Variants in MATR3 observed in about 807,000 individuals in gnomAD.
MATR3 encodes the protein matrin 3, also known as matrin-3.
Under a neutral mutation model 85.5 loss-of-function variants are expected in MATR3, and 4 were observed. The observed-to-expected ratio is 0.05, with a 90% CI of 0.02 to 0.11. MATR3 has a LOEUF of 0.11. Ranked by LOEUF, MATR3 falls within the 10% of genes least tolerant of loss-of-function variation. The pLI is 1.00. For missense variants in MATR3, 685 were observed against 1,016.1 expected, an observed-to-expected ratio of 0.67 and a Z score of 4.43; for synonymous variants, 336 against 343.1, an observed-to-expected ratio of 0.98 and a Z score of 0.23.
At chr5:139,293,984 T>G (rs1468591285) in intron 1 of MATR3, 179 bp downstream of exon 1, 5 of 1,272,148 alleles carry the variant, frequency 3.9e-6, no homozygotes, top group Non-Finnish European at 5.0e-6. Flanking sequence ...GGCCGCCATG[T>G]TAGGAGCGCA....
At chr5:139,298,326 C>G (rs1333227532) in intron 1 of MATR3, among the ~76,000 whole-genome samples, 1 of 152,122 alleles carries the variant, frequency 6.6e-6, no homozygotes, top group Non-Finnish European at 1.5e-5. Flanking sequence ...AATCCCAGCA[C>G]TTTGGGGGCT....
At chr5:139,295,955 C>A (rs1285334797) in intron 1 of MATR3, among the ~76,000 whole-genome samples, 1 of 152,168 alleles carries the variant, frequency 6.6e-6, no homozygotes, top group Non-Finnish European at 1.5e-5. Flanking sequence ...TCCTGGGTAG[C>A]TGAGATCACA....
At position 139,286,238 on chromosome 5, in the gene MATR3, C is replaced by T. The variant is rs563040850; in HGVS notation, c.-178+7109C>T. On this transcript the variant is annotated intron_variant, in intron 3 of 16. Coordinates refer to ENST00000509990, the Ensembl canonical transcript of MATR3. The stretch of plus-strand genomic sequence containing the variant: ...CCTGGTTCCAGGGCATTAAAACTGT[C>T]CCAGTAGATTTCTGAGGTGTCAACT... Among the ~76,000 whole-genome samples, 11 of 152,242 alleles carry T rather than the reference C, an allele frequency of 7.2e-5. No homozygotes were observed. The South Asian group carries it at 2.3e-3, about 32-fold the overall frequency.
At chr5:139,326,123 C>A (rs147225313) in intron 13 of MATR3, 40 bp from the exon 14 acceptor site, 52 of 1,499,910 alleles carry the variant, frequency 3.5e-5, no homozygotes, top group Non-Finnish European at 4.5e-5. Flanking sequence ...TAAATAAAAT[C>A]TTCAGTTTAA....
intron 1 of MATR3, among the ~76,000 whole-genome samples, chr5:139,297,816 A>G (rs1484583038): frequency 1.3e-5 from 2 of 152,244 alleles, no homozygotes; most frequent in East Asian, 1.9e-4. Flanking sequence ...TTTTAAAGCT[A>G]TTCCAAAATT....
chr5:139,315,807 A>G (rs928056890), intron 4 of MATR3, 69 bp downstream of exon 4: 21 of 1,242,778 alleles, frequency 1.7e-5, no homozygotes, highest in East Asian at 4.6e-5. Flanking sequence ...TTCACTTTCA[A>G]CATTTCATAA....
chr5:139,309,780 C>G (rs900466254), intron 2 of MATR3, among the ~76,000 whole-genome samples: 1 of 152,192 alleles, frequency 6.6e-6, no homozygotes, highest in Admixed American at 6.5e-5. Flanking sequence ...CTGATCAGCA[C>G]TAAACTTTAA....
chr5:139,320,102 A>G (rs540730146), intron 9 of MATR3, among the ~76,000 whole-genome samples: 1 of 151,552 alleles, frequency 6.6e-6, no homozygotes, highest in African/African-American at 2.4e-5. Flanking sequence ...AGGTCAGGAG[A>G]TTGAGATCAT....
chr5:139,302,024 A>G (rs1164128264), intron 1 of MATR3, among the ~76,000 whole-genome samples: 1 of 152,240 alleles, frequency 6.6e-6, no homozygotes, highest in Non-Finnish European at 1.5e-5. Flanking sequence ...CAGTGGTCTT[A>G]AAGCACTTGA....
At chr5:139,296,843 A>C (rs1022288852) in intron 1 of MATR3, among the ~76,000 whole-genome samples, 8 of 152,322 alleles carry the variant, frequency 5.3e-5, no homozygotes, top group African/African-American at 1.9e-4. Context: ...CTTTAGTTAG[A>C]ATTACAGTAC....
Position 139,317,725 on chromosome 5 carries a change from T to G in MATR3, c.1308+4T>G. On this transcript the variant is annotated splice_donor_region_variant and intron_variant, in intron 7 of 14. Transcript: ENST00000394805. ...GATTCTAAATAAAATTAATGAGGTA[T>G]GAATTGAAATATTGGTATTATTCAT... 1 of 1,580,880 alleles carries G rather than the reference T, an allele frequency of 6.3e-7. No homozygotes were observed. The highest frequency in any genetic ancestry group is 8.7e-7 in the Non-Finnish European group (1 of 1,155,152).
intron 14 of MATR3, among the ~76,000 whole-genome samples, chr5:139,328,156 C>T (rs1755954487): frequency 1.3e-5 from 2 of 151,502 alleles, no homozygotes; most frequent in South Asian, 4.2e-4. Flanking sequence ...GCCATCATGC[C>T]CGGCCTATTA....
intron 1 of MATR3, among the ~76,000 whole-genome samples, chr5:139,301,102 A>T (rs2151943398): frequency 6.6e-6 from 1 of 152,286 alleles, no homozygotes; most frequent in South Asian, 2.1e-4. Flanking sequence ...GCCATGAGCC[A>T]CTGTGCCTGG....
At chr5:139,296,142 A>G (rs1406269417) in intron 1 of MATR3, among the ~76,000 whole-genome samples, 4 of 152,210 alleles carry the variant, frequency 2.6e-5, no homozygotes, top group African/African-American at 9.6e-5. Context: ...CTAAGGAAGT[A>G]ATGTGTCAGA....
chr5:139,313,525 T>C (rs569858223), intron 2 of MATR3: 1 of 152,294 alleles, frequency 6.6e-6, no homozygotes, highest in East Asian at 1.9e-4. Context: ...AGCCCACTTT[T>C]TGTAACTTCT....
chr5:139,282,768 A>G (rs1753575817), intron 3 of MATR3: 1 of 152,230 alleles, frequency 6.6e-6, no homozygotes, highest in Non-Finnish European at 1.5e-5. Flanking sequence ...CATTACACTT[A>G]GGCTCCTGTT....
chr5:139,328,000 T>TA (rs1190460271), intron 14 of MATR3, among the ~76,000 whole-genome samples: 1 of 152,072 alleles, frequency 6.6e-6, no homozygotes, highest in African/African-American at 2.4e-5. Flanking sequence ...TAGCTGGTAT[T>TA]ACAGGCGTGT....
intron 3 of MATR3, among the ~76,000 whole-genome samples, chr5:139,284,681 T>C (rs1426738344): frequency 6.6e-6 from 1 of 152,016 alleles, no homozygotes; most frequent in African/African-American, 2.4e-5. Flanking sequence ...CTAAAACACA[T>C]GTGTAGGCTT....
chr5:139,298,737 T>G (rs891073471), intron 1 of MATR3, among the ~76,000 whole-genome samples: 27 of 152,158 alleles, frequency 1.8e-4, no homozygotes, highest in Admixed American at 9.8e-4. Flanking sequence ...GTGTCTGTCT[T>G]TGTGTGGGCC....
Sources: gnomAD v4.1 joint callset for allele counts (sites outside exome capture counted in the v4.1 genomes callset) on GRCh38, gnomAD v4.1.1 for gene constraint, MANE v1.5 for transcripts, NCBI Gene and HGNC (gene_info 2026-07-23, HGNC 2026-07-21) for gene names.